PDE11A: variants seen among roughly 807,000 people sequenced by gnomAD.
PDE11A encodes phosphodiesterase 11A.
A neutral mutation model predicts 100.5 loss-of-function variants in PDE11A; 100 were observed. The observed-to-expected ratio is 1.00, with a 90% confidence interval of 0.85 to 1.18. The LOEUF is 1.18. Ranked by LOEUF, PDE11A falls within the 50% of genes most tolerant of loss-of-function variation. The probability of loss-of-function intolerance (pLI) is 0.00; values close to 1 mark genes in which losing one functional copy is unlikely to be tolerated. For synonymous variants in PDE11A, 381 were observed against 420.8 expected (o/e 0.91, Z 1.16); for missense variants, 1,141 against 1,152.6 (o/e 0.99, Z 0.15).
rs754384262 is a variant in PDE11A, at chr2:177,675,602, A to G, written c.2424-84T>C. On this transcript the variant is annotated intron_variant, in intron 16 of 19. Coordinates refer to ENST00000286063, the MANE Select transcript of PDE11A (RefSeq NM_016953.4). The stretch of plus-strand genomic sequence containing the variant: ...ACCCGTCCTAGATACATAAATAAAT[A>G]AAATAAAATGGAAACGAGGCCAGCT... 11 of 1,016,610 alleles carry G rather than the reference A, an allele frequency of 1.1e-5. No homozygotes were observed. In the African/African-American group the frequency reaches 1.4e-4, roughly 13 times the overall value. 63.0% of individuals were successfully genotyped at this position (1,016,610 alleles called of 1,614,324 possible).
intron 15 of PDE11A, among the ~76,000 whole-genome samples, chr2:177,696,174 T>C (rs1426863160): frequency 6.6e-6 from 1 of 152,204 alleles, no homozygotes; most frequent in Non-Finnish European, 1.5e-5. Flanking sequence ...GAAAGCAATG[T>C]GGACACTGAA....
intron 14 of PDE11A, among the ~76,000 whole-genome samples, chr2:177,699,081 A>G (rs1232058421): frequency 6.6e-6 from 1 of 152,226 alleles, no homozygotes. Flanking sequence ...CATGCATCAC[A>G]TAACAGGAGG....
At chr2:177,860,985 G>A (rs1432395452) in intron 5 of PDE11A, among the ~76,000 whole-genome samples, 1 of 151,744 alleles carries the variant, frequency 6.6e-6, no homozygotes, top group South Asian at 2.1e-4. Flanking sequence ...AGCTAACACA[G>A]TAATGGTAAA....
chr2:178,048,081 T>C (rs1184940491), intron 1 of PDE11A, among the ~76,000 whole-genome samples: 1 of 152,184 alleles, frequency 6.6e-6, no homozygotes, highest in Non-Finnish European at 1.5e-5. Context: ...CAGACAGAAG[T>C]AGATAGAGCA....
Position 178,045,785 on chromosome 2 carries a change from A to C in PDE11A, c.912+25741T>G, listed in dbSNP as rs144470605. 2.6e-5 allele frequency among the ~76,000 whole-genome samples: 4 copies of C among 152,366 alleles called. No homozygotes were observed. The East Asian group carries it at 7.7e-4, about 29-fold the overall frequency. On this transcript the variant is annotated intron_variant, in intron 1 of 19. Transcript: ENST00000286063. ...ATTGTTGGGATCTTCGCACAAAAAT[A>C]ATCAGTTACCTGGTGTCAATGGATG...
At chr2:177,951,929 T>G (rs2085509612) in intron 2 of PDE11A, among the ~76,000 whole-genome samples, 1 of 152,210 alleles carries the variant, frequency 6.6e-6, no homozygotes, top group African/African-American at 2.4e-5. Context: ...AAAAATACTT[T>G]AAGTTCTAGG....
At position 177,835,763 on chromosome 2, in the gene PDE11A, C is replaced by T. The variant is rs373489961; in HGVS notation, c.1500+4488G>A. Among the ~76,000 whole-genome samples the T allele has an allele frequency of 2.1e-3, 321 of 152,314 alleles. 1 individual carries two copies. Among genetic ancestry groups the T allele is most frequent in the Non-Finnish European group, 3.7e-3 (252 of 68,024 alleles). ...GCGTGGGCTCCGCGGGCCCTGCATT[C>T]GGAGCGGCCAGCTGGTGCCGCCGGC... is the stretch of plus-strand genomic sequence containing the variant. On this transcript the variant is annotated intron_variant, in intron 6 of 19. Coordinates refer to ENST00000286063, the MANE Select transcript of PDE11A (RefSeq NM_016953.4).
rs199692182 is a variant in PDE11A at position 177,665,496 on chromosome 2, T to TA, written c.2563-1548dup. 7.4e-3 allele frequency among the ~76,000 whole-genome samples: 1,060 copies of TA among 143,574 alleles called. 7 individuals carry two copies. Among genetic ancestry groups the TA allele is most frequent in the Middle Eastern group, 0.021 (6 of 288 alleles). The allele number at this position is 143,574 out of a possible 152,430, so 94.2% of individuals were successfully genotyped here. The stretch of plus-strand genomic sequence containing the variant: ...CTCAGTCTCAAAAAAAAAATAATAA[T>TA]AATAAATAAATAAAATAAAATAAAA... On this transcript the variant is annotated intron_variant, in intron 18 of 19. Coordinates refer to ENST00000286063, the MANE Select transcript of PDE11A (RefSeq NM_016953.4).
intron 6 of PDE11A, among the ~76,000 whole-genome samples, chr2:177,829,866 G>A (rs1185903705): frequency 1.3e-5 from 2 of 152,116 alleles, no homozygotes; most frequent in Non-Finnish European, 2.9e-5. Flanking sequence ...CAGGGCCTGT[G>A]AATATGTTAG....
intron 9 of PDE11A, among the ~76,000 whole-genome samples, chr2:177,804,663 G>A (rs551586894): frequency 6.6e-6 from 1 of 151,858 alleles, no homozygotes; most frequent in Non-Finnish European, 1.5e-5. Context: ...CAAAGATATG[G>A]AATCAACATA....
intron 1 of PDE11A, among the ~76,000 whole-genome samples, chr2:178,033,317 T>G (rs2086571878): frequency 6.6e-6 from 1 of 152,056 alleles, no homozygotes. Flanking sequence ...AAGATCAACT[T>G]ACTGAAATAA....
At chr2:177,845,300 C>T (rs1043498962) in intron 5 of PDE11A, among the ~76,000 whole-genome samples, 4 of 150,532 alleles carry the variant, frequency 2.7e-5, no homozygotes, top group Admixed American at 2.6e-4. Context: ...CAGAGGGTCT[C>T]CTCACTTCTC....
chr2:177,735,026 A>G (rs1197094025), intron 10 of PDE11A, among the ~76,000 whole-genome samples: 6 of 152,244 alleles, frequency 3.9e-5, no homozygotes, highest in African/African-American at 7.2e-5. Flanking sequence ...GCACTGGCAT[A>G]TGCTGTAGTT....
chr2:177,702,244 A>G lies in PDE11A; in HGVS notation c.2154-1033T>C, dbSNP rs192556899. ...GCAGGAGAATCACTCGAAACTGGGAAGCAGAGGTTGCAGTGAGCTGAGACC... is the reference window on the plus strand; with the variant it reads ...GCAGGAGAATCACTCGAAACTGGGAGGCAGAGGTTGCAGTGAGCTGAGACC... On this transcript the variant is annotated intron_variant, in intron 13 of 19. Coordinates refer to ENST00000286063, the MANE Select transcript of PDE11A (RefSeq NM_016953.4). Among the ~76,000 whole-genome samples the G allele has an allele frequency of 2.8e-3, 433 of 152,106 alleles. 2 individuals are homozygous for G. The highest frequency in any genetic ancestry group is 0.01 in the Middle Eastern group (3 of 294).
chr2:177,879,182 A>C (rs1260643064), intron 4 of PDE11A, among the ~76,000 whole-genome samples: 2 of 152,208 alleles, frequency 1.3e-5, no homozygotes, highest in Non-Finnish European at 2.9e-5. Context: ...TATCCAAGTA[A>C]AGATGCAAAT....
chr2:178,105,010 T>G (rs572724371), intron 1 of PDE11A, among the ~76,000 whole-genome samples: 2 of 152,212 alleles, frequency 1.3e-5, no homozygotes, highest in Non-Finnish European at 2.9e-5. Flanking sequence ...GAAACCTGTA[T>G]GTAACATAAT....
chr2:178,046,713 T>C (rs2086755537), intron 1 of PDE11A, among the ~76,000 whole-genome samples: 1 of 152,152 alleles, frequency 6.6e-6, no homozygotes, highest in Non-Finnish European at 1.5e-5. Flanking sequence ...TGAGTTCCCT[T>C]GTAGATTCTC....
chr2:177,691,414 A>G (rs1431348257), intron 15 of PDE11A, among the ~76,000 whole-genome samples: 2 of 152,156 alleles, frequency 1.3e-5, no homozygotes, highest in Non-Finnish European at 2.9e-5. Flanking sequence ...CTGAATTGCT[A>G]ACACTTAGCA....
At chr2:177,873,375 A>G (rs2084176075) in intron 5 of PDE11A, among the ~76,000 whole-genome samples, 1 of 152,186 alleles carries the variant, frequency 6.6e-6, no homozygotes, top group Non-Finnish European at 1.5e-5. Flanking sequence ...TCTATTTAGG[A>G]AAATTGCTGA....
Sources: allele counts gnomAD v4.1 joint callset (sites outside exome capture counted in the v4.1 genomes callset), GRCh38; gene constraint gnomAD v4.1.1; transcripts MANE v1.5; gene names NCBI Gene and HGNC (gene_info 2026-07-23, HGNC 2026-07-21).